PHLDB2: variants seen among roughly 807,000 people sequenced by gnomAD.
The protein encoded by PHLDB2 is pleckstrin homology-like domain family B member 2.
In PHLDB2, 71 loss-of-function variants were observed where a neutral mutation model predicts 123.6. That is an observed-to-expected ratio of 0.57 (90% confidence interval 0.47 to 0.70). The LOEUF (loss-of-function observed/expected upper bound fraction) is 0.70, where lower values mean the gene tolerates loss of function less well. Among genes scored for constraint, PHLDB2 ranks in the 30% least tolerant of loss-of-function variants. PHLDB2 has a pLI of 0.00. For missense variants in PHLDB2, 1,446 were observed against 1,519.5 expected (o/e 0.95, Z 0.80); for synonymous variants, 547 against 541.6 (o/e 1.01, Z -0.14).
intron 1 of PHLDB2, among the ~76,000 whole-genome samples, chr3:111,811,956 A>C (rs2061859257): frequency 6.6e-6 from 1 of 152,130 alleles, no homozygotes; most frequent in Non-Finnish European, 1.5e-5. Context: ...TGTTCAAAAC[A>C]TTGCCCCAAG....
chr3:111,831,002 AAAG>A (rs1258799027), intron 1 of PHLDB2, among the ~76,000 whole-genome samples: 1 of 99,030 alleles, frequency 1.0e-5, no homozygotes, highest in African/African-American at 5.5e-5. Flanking sequence ...AGAAAGAAAG[AAAG>A]AAAGAAAGAA....
At chr3:111,793,841 G>A (rs1323758664) in intron 1 of PHLDB2, among the ~76,000 whole-genome samples, 1 of 151,710 alleles carries the variant, frequency 6.6e-6, no homozygotes, top group Non-Finnish European at 1.5e-5. Flanking sequence ...GGGGCCTCAG[G>A]ACTCTGCCTG....
intron 2 of PHLDB2, chr3:111,846,124 T>G: frequency 1.7e-6 from 1 of 582,580 alleles, no homozygotes; most frequent in Middle Eastern, 4.7e-4. Context: ...CCACCATATC[T>G]TACTTCACTG....
intron 4 of PHLDB2, 76 bp downstream of exon 4, chr3:111,919,291 C>T (rs910114456): frequency 2.0e-6 from 3 of 1,467,420 alleles, no homozygotes; most frequent in African/African-American, 2.8e-5. Context: ...CAGGAATAGG[C>T]TTTGGAGGCC....
In PHLDB2 at chr3:111,913,630, G is replaced by A. The variant is rs763734356; in HGVS notation, c.1647G>A (p.Arg549=). The part of the protein sequence containing the change: ...RNDELLSDLT[R]TPPPPSSTFP... ...ATGAACTACTCAGTGACCTCACCCG[G>A]ACTCCTCCACCACCATCCTCCACCT... is the stretch of plus-strand genomic sequence containing the variant. Residue 549 remains arginine (R), a synonymous_variant, in exon 3 of 18, where the codon CGG becomes CGA. Transcript: ENST00000431670. 1.9e-6 allele frequency: 3 copies of A among 1,614,034 alleles called. No individual in the cohort carries two copies. In the East Asian group the frequency reaches 6.7e-5, roughly 36 times the overall value.
intron 1 of PHLDB2, among the ~76,000 whole-genome samples, chr3:111,751,830 A>G (rs2059781960): frequency 6.6e-6 from 1 of 151,978 alleles, no homozygotes; most frequent in South Asian, 2.1e-4. Context: ...CTAAAACTTA[A>G]AGTATAATAA....
intron 1 of PHLDB2, among the ~76,000 whole-genome samples, chr3:111,782,497 C>T (rs1239390118): frequency 1.3e-5 from 2 of 152,122 alleles, no homozygotes; most frequent in Admixed American, 6.6e-5. Context: ...AGTTTTTGTT[C>T]TTACTATTCC....
At chr3:111,966,481 T>C (rs774859) in intron 13 of PHLDB2, 132 bp from the exon 14 acceptor site, 490,062 of 490,326 alleles carry the variant, frequency 1, 244,901 homozygotes, top group East Asian at 1. Flanking sequence ...TGGATTTTGT[T>C]ATGCACCTCC....
chr3:111,896,881 A>G (rs2066903656), intron 2 of PHLDB2, among the ~76,000 whole-genome samples: 1 of 152,196 alleles, frequency 6.6e-6, no homozygotes, highest in Non-Finnish European at 1.5e-5. Flanking sequence ...AAACAAAATA[A>G]TCTCTTTATG....
intron 1 of PHLDB2, among the ~76,000 whole-genome samples, chr3:111,793,934 G>A (rs964502701): frequency 6.6e-6 from 1 of 151,176 alleles, no homozygotes; most frequent in African/African-American, 2.4e-5. Context: ...TCCTCAAGCA[G>A]AAGAAAGGAA....
chr3:111,803,831 T>C lies in PHLDB2; in HGVS notation c.-48-41990T>C, dbSNP rs550200084. 2.6e-5 allele frequency among the ~76,000 whole-genome samples: 4 copies of C among 152,334 alleles called. No homozygotes were observed. The East Asian group carries it at 5.8e-4, about 22-fold the overall frequency. ...AGAATGAAAATTTCCAATTTACAAATATTTCTTAACAAAGCGTAGATTTGT... is the reference window on the plus strand; with the variant it reads ...AGAATGAAAATTTCCAATTTACAAACATTTCTTAACAAAGCGTAGATTTGT... On this transcript the variant is annotated intron_variant, in intron 1 of 17. Transcript: ENST00000393923.
At position 111,763,436 on chromosome 3, in the gene PHLDB2, G is replaced by A. The variant is rs2060027948; in HGVS notation, c.-49+30733G>A. On this transcript the variant is annotated intron_variant, in intron 1 of 17. Coordinates refer to the PHLDB2 transcript ENST00000393923. ...GTTTTAGTTCGCTCATCTGTAAGTG[G>A]GACTTGTCATCAACTGTACATTGTG... Among the ~76,000 whole-genome samples, 4 of 152,174 alleles carry A rather than the reference G, an allele frequency of 2.6e-5. No homozygotes were observed. The South Asian group carries it at 8.3e-4, about 32-fold the overall frequency.
At chr3:111,885,691 T>C in intron 2 of PHLDB2, 1 of 625,272 alleles carries the variant, frequency 1.6e-6, no homozygotes, top group South Asian at 1.9e-5. Context: ...AACAGAGGAG[T>C]TGGGAATTTT....
chr3:111,766,598 G>T (rs1373418607), intron 1 of PHLDB2, among the ~76,000 whole-genome samples: 1 of 152,150 alleles, frequency 6.6e-6, no homozygotes, highest in African/African-American at 2.4e-5. Flanking sequence ...ACCAAATGTA[G>T]AATATTCCAG....
intron 1 of PHLDB2, among the ~76,000 whole-genome samples, chr3:111,819,726 G>A (rs568156683): frequency 1.4e-4 from 21 of 152,246 alleles, no homozygotes; most frequent in African/African-American, 3.4e-4. Flanking sequence ...CCCCAGTGTC[G>A]TTTGTCCTTC....
intron 8 of PHLDB2, among the ~76,000 whole-genome samples, chr3:111,944,600 TACATCATC>T (rs2070162721): frequency 2.0e-5 from 3 of 152,198 alleles, no homozygotes; most frequent in Admixed American, 2.0e-4. Flanking sequence ...CATGTGATAT[TACATCATC>T]AACAATTATG....
At position 111,945,327 on chromosome 3, in the gene PHLDB2, G is replaced by A; in HGVS notation, c.2457G>A (p.Gly819=). ...KKYSSLSGGK[G]FPVNPNTLKE... ...ACTCCAGCCTCTCTGGGGGGAAAGG[G>A]TTTCCCGTTAACCCCAATACTTTAA... Residue 819 remains glycine (G), a synonymous_variant, in exon 9 of 18, where the codon GGG becomes GGA. Transcript: ENST00000431670. 1 of 1,609,750 alleles carries A rather than the reference G, an allele frequency of 6.2e-7. No homozygotes were observed. The highest frequency in any genetic ancestry group is 8.5e-7 in the Non-Finnish European group (1 of 1,176,592).
At chr3:111,777,705 T>G (rs2060290966) in intron 1 of PHLDB2, among the ~76,000 whole-genome samples, 1 of 148,840 alleles carries the variant, frequency 6.7e-6, no homozygotes, top group Non-Finnish European at 1.5e-5. Flanking sequence ...CAACTTGTTG[T>G]TTGATGCCAT....
intron 12 of PHLDB2, among the ~76,000 whole-genome samples, chr3:111,955,672 C>T (rs892532507): frequency 3.3e-5 from 5 of 152,002 alleles, no homozygotes; most frequent in African/African-American, 7.3e-5. Context: ...AGGATGGTCT[C>T]GACCTCCTGG....
Sources: gnomAD v4.1 joint callset for allele counts (sites outside exome capture counted in the v4.1 genomes callset) on GRCh38, gnomAD v4.1.1 for gene constraint, MANE v1.5 for transcripts, NCBI Gene and HGNC (gene_info 2026-07-23, HGNC 2026-07-21) for gene names.